Variants in C14orf39 observed in about 807,000 individuals in gnomAD.
C14orf39 encodes protein SIX6OS1.
Under a neutral mutation model 85.6 loss-of-function variants are expected in C14orf39, and 66 were observed. That is an observed-to-expected ratio of 0.77 (90% CI 0.63 to 0.95). The LOEUF is 0.95. C14orf39 is among the 40% of genes least tolerant of loss of function. The pLI is 0.00. For synonymous variants in C14orf39, 242 were observed against 214.0 expected, an observed-to-expected ratio of 1.13 and a Z score of -1.14; for missense variants, 735 against 663.9, an observed-to-expected ratio of 1.11 and a Z score of -1.18.
chr14:60,436,779 A>T lies in C14orf39; in HGVS notation c.*66T>A. The T allele has an allele frequency of 1.9e-6, 2 of 1,031,056 alleles. No individual in the cohort carries two copies. The highest frequency in any genetic ancestry group is 2.9e-6 in the Non-Finnish European group (2 of 685,096). The allele number at this position is 1,031,056 out of a possible 1,614,324, so 63.9% of individuals were successfully genotyped here. A position where few individuals can be genotyped will look rare whatever the true frequency, so the allele number is the denominator to read the frequency against. On this transcript the variant is annotated 3_prime_UTR_variant, in exon 18 of 18. Coordinates refer to ENST00000321731, the MANE Select transcript of C14orf39 (RefSeq NM_174978.3). ...AGAAAGCAGTCTTCATGTTTTAAGC[A>T]ATAATGTAAATTTATGCCCTCATGA...
At chr14:60,452,166 CAAAA>C (rs561612954) in intron 16 of C14orf39, among the ~76,000 whole-genome samples, 3 of 58,876 alleles carry the variant, frequency 5.1e-5, no homozygotes, top group East Asian at 5.6e-4. Flanking sequence ...GACTCCATCT[CAAAA>C]AAAAAAAAAA....
At chr14:60,438,071 AT>A (rs1320013156) in intron 17 of C14orf39, among the ~76,000 whole-genome samples, 2 of 151,890 alleles carry the variant, frequency 1.3e-5, no homozygotes, top group East Asian at 1.9e-4. Flanking sequence ...TTAAATATCT[AT>A]TTTTATATAG....
intron 1 of C14orf39, chr14:60,511,545 C>G: frequency 5.4e-6 from 3 of 551,276 alleles, no homozygotes; most frequent in South Asian, 2.1e-5. Context: ...GGAACCCGAA[C>G]TGCAAGCTGA....
In C14orf39 at chr14:60,484,419, G is replaced by A. The variant is rs1347538201; in HGVS notation, c.106+462C>T. Among the ~76,000 whole-genome samples, 1 of 152,042 alleles carries A rather than the reference G, an allele frequency of 6.6e-6. No individual in the cohort carries two copies. The highest frequency in any genetic ancestry group is 1.5e-5 in the Non-Finnish European group (1 of 67,988). ...GAACTCTATTTTTTATAGTTGTTTT[G>A]TTGGATCTTAAAATACTATACAGTA... On this transcript the variant is annotated intron_variant, in intron 3 of 17. Coordinates refer to ENST00000321731, the MANE Select transcript of C14orf39 (RefSeq NM_174978.3). The surrounding 1 kb of genome is among the most constrained non-coding windows in gnomAD (Gnocchi z 4.2).
intron 5 of C14orf39, among the ~76,000 whole-genome samples, chr14:60,475,646 G>C (rs1231231138): frequency 6.6e-6 from 1 of 152,082 alleles, no homozygotes; most frequent in Non-Finnish European, 1.5e-5. Context: ...ATAGGAGAGT[G>C]GAGTAGTCAT....
At chr14:60,447,639 A>G (rs1359269270) in intron 16 of C14orf39, among the ~76,000 whole-genome samples, 1 of 152,212 alleles carries the variant, frequency 6.6e-6, no homozygotes, top group African/African-American at 2.4e-5. Context: ...TATAGATCCA[A>G]TGCTATCCCC....
intron 9 of C14orf39, among the ~76,000 whole-genome samples, chr14:60,468,107 T>A (rs1308912821): frequency 1.3e-5 from 2 of 151,742 alleles, no homozygotes; most frequent in East Asian, 3.9e-4. Flanking sequence ...AATACCTTGC[T>A]ATTCCCACCA....
Position 60,471,656 on chromosome 14 carries a change from C to T in C14orf39, c.407G>A (p.Arg136His), listed in dbSNP as rs1055758388. 7.5e-6 allele frequency: 12 copies of T among 1,609,898 alleles called. No individual in the cohort carries two copies. The highest frequency in any genetic ancestry group is 5.4e-5 in the African/African-American group (4 of 74,696). The stretch of plus-strand genomic sequence containing the variant: ...TTCTCTTTTCTTCTCATAATATTCA[C>T]GTGAAAAGGGTGTTTCTGAGTATTT... ...QLKYSETPFS[R>H]EYYEKKREHE... The change falls in exon 6 of 18, where the codon CGT (arginine) becomes CAT (histidine). Residue 136 changes from arginine to histidine, a missense_variant. Physicochemically the swap from Arg to His is conservative, Grantham distance 29 (BLOSUM62 0). Transcript: ENST00000321731.
chr14:60,499,185 G>C (rs1274942577), intron 2 of C14orf39: 1 of 150,716 alleles, frequency 6.6e-6, no homozygotes, highest in African/African-American at 2.5e-5. Context: ...GAACCCAAGA[G>C]GCGGAGGTTG....
chr14:60,475,485 T>C (rs1434313123), intron 5 of C14orf39, among the ~76,000 whole-genome samples: 1 of 152,208 alleles, frequency 6.6e-6, no homozygotes, highest in Non-Finnish European at 1.5e-5. Context: ...CTATGAATGA[T>C]TTTTACATGT....
At chr14:60,459,185 T>C (rs1003373778) in intron 13 of C14orf39, among the ~76,000 whole-genome samples, 8 of 151,808 alleles carry the variant, frequency 5.3e-5, no homozygotes, top group Non-Finnish European at 1.2e-4. Flanking sequence ...CATATGCTTG[T>C]GAGATGCATC....
intron 9 of C14orf39, among the ~76,000 whole-genome samples, chr14:60,467,968 T>G (rs1891879832): frequency 6.6e-6 from 1 of 151,630 alleles, no homozygotes; most frequent in Non-Finnish European, 1.5e-5. Context: ...ATCACTGATC[T>G]CTATTTTATC....
At chr14:60,511,316 A>G (rs1320958850) in intron 1 of C14orf39, 6 of 1,561,672 alleles carry the variant, frequency 3.8e-6, no homozygotes, top group Admixed American at 1.7e-5. Context: ...AAAATGAAAG[A>G]GGGGAAGAAG....
chr14:60,475,089 G>A (rs1892305947), intron 5 of C14orf39, among the ~76,000 whole-genome samples: 4 of 152,104 alleles, frequency 2.6e-5, no homozygotes, highest in Non-Finnish European at 5.9e-5. Flanking sequence ...CCTGTTATTG[G>A]TCTATTCAGA....
chr14:60,441,317 T>A (rs923967960), intron 17 of C14orf39, among the ~76,000 whole-genome samples: 3 of 152,186 alleles, frequency 2.0e-5, no homozygotes, highest in South Asian at 2.1e-4. Flanking sequence ...CTTTTGTCCA[T>A]AGCAGCCTGA....
At chr14:60,456,853 T>C (rs372472835) in intron 15 of C14orf39, 64 bp downstream of exon 15, 901 of 1,363,150 alleles carry the variant, frequency 6.6e-4, no homozygotes, top group Admixed American at 1.1e-3. Context: ...TTACTATTCC[T>C]ATCAGTTATT....
At chr14:60,473,433 C>T (rs919039945) in intron 5 of C14orf39, among the ~76,000 whole-genome samples, 14 of 152,246 alleles carry the variant, frequency 9.2e-5, no homozygotes, top group Non-Finnish European at 1.9e-4. Context: ...TCAATTTTGG[C>T]TTTTGTTGCC....
At chr14:60,437,079 C>T (rs765203224) in intron 17 of C14orf39, 32 bp from the exon 18 acceptor site, 1 of 1,424,920 alleles carries the variant, frequency 7.0e-7, no homozygotes, top group Admixed American at 2.2e-5. Flanking sequence ...ATATCATGCT[C>T]TTCATATTAT....
chr14:60,514,692 T>A (rs1290838054), intron 1 of C14orf39, among the ~76,000 whole-genome samples: 1 of 152,166 alleles, frequency 6.6e-6, no homozygotes, highest in Non-Finnish European at 1.5e-5. Context: ...GGCAAAGAGC[T>A]CAAGCAAAGT....
Sources: allele counts gnomAD v4.1 joint callset (sites outside exome capture counted in the v4.1 genomes callset), GRCh38; gene constraint gnomAD v4.1.1; non-coding constraint Gnocchi (gnomAD v3.1); transcripts MANE v1.5; gene names NCBI Gene and HGNC (gene_info 2026-07-23, HGNC 2026-07-21).